The following SKAP2 variants were observed in gnomAD, a reference collection of about 807,000 sequenced individuals.
SKAP2 encodes the protein src kinase associated phosphoprotein 2, also known as src kinase-associated phosphoprotein 2.
In SKAP2, 28 loss-of-function variants were observed where a neutral mutation model predicts 54.9. The ratio of observed to expected loss-of-function variants is 0.51; its 90% confidence interval spans 0.38 to 0.70. The LOEUF is 0.70. Among genes scored for constraint, SKAP2 ranks in the 30% least tolerant of loss-of-function variants. The probability of loss-of-function intolerance (pLI) is 0.00; values close to 1 mark genes in which losing one functional copy is unlikely to be tolerated. For synonymous variants in SKAP2, 137 were observed against 134.3 expected (o/e 1.02, Z -0.14); for missense variants, 356 against 424.1 (o/e 0.84, Z 1.41).
intron 6 of SKAP2, among the ~76,000 whole-genome samples, chr7:26,728,946 C>T (rs2127957194): frequency 6.6e-6 from 1 of 152,158 alleles, no homozygotes; most frequent in Non-Finnish European, 1.5e-5. Context: ...CTAAAATTCT[C>T]ATCAATGTAA....
At chr7:26,728,026 A>G (rs1787743741) in intron 6 of SKAP2, among the ~76,000 whole-genome samples, 1 of 152,138 alleles carries the variant, frequency 6.6e-6, no homozygotes, top group Non-Finnish European at 1.5e-5. Context: ...TTAAATGCCT[A>G]AAGTAACTAA....
At chr7:26,741,476 C>A (rs901011598) in intron 4 of SKAP2, among the ~76,000 whole-genome samples, 10 of 151,418 alleles carry the variant, frequency 6.6e-5, no homozygotes, top group African/African-American at 2.2e-4. Flanking sequence ...GAGGTCAAGG[C>A]TGCAGTGAGC....
intron 4 of SKAP2, among the ~76,000 whole-genome samples, chr7:26,756,363 T>A (rs1297474990): frequency 1.3e-5 from 2 of 152,144 alleles, no homozygotes; most frequent in East Asian, 1.9e-4. Flanking sequence ...GTGTGTGATG[T>A]TCCCCTTCCT....
intron 1 of SKAP2, among the ~76,000 whole-genome samples, chr7:26,856,740 A>G (rs928392320): frequency 3.3e-5 from 5 of 152,308 alleles, no homozygotes; most frequent in African/African-American, 1.2e-4. Context: ...ACCAGACTCA[A>G]TAGGAAGAAT....
the SKAP2 span, among the ~76,000 whole-genome samples, chr7:26,661,151 T>C: frequency 6.6e-6 from 1 of 152,100 alleles, no homozygotes; most frequent in African/African-American, 2.4e-5. Context: ...TAAGAGTCCT[T>C]TGCATCTTTT....
At chr7:26,848,238 T>C (rs1784966476) in intron 3 of SKAP2, among the ~76,000 whole-genome samples, 1 of 152,194 alleles carries the variant, frequency 6.6e-6, no homozygotes, top group Admixed American at 6.5e-5. Flanking sequence ...ACCCAATTTG[T>C]TGCTTGTTTT....
chr7:26,697,691 C>A (rs1786925586), intron 9 of SKAP2, among the ~76,000 whole-genome samples: 1 of 151,530 alleles, frequency 6.6e-6, no homozygotes, highest in South Asian at 2.1e-4. Context: ...ATTCTTGTTA[C>A]AAAAGCAGTA....
intron 4 of SKAP2, among the ~76,000 whole-genome samples, chr7:26,823,557 A>C (rs1037208646): frequency 3.7e-4 from 56 of 152,314 alleles, no homozygotes; most frequent in African/African-American, 1.3e-3. Context: ...ACCCAGATCA[A>C]GGCCCTAACT....
chr7:26,678,406 G>A (rs1584325441), intron 11 of SKAP2, among the ~76,000 whole-genome samples: 2 of 151,238 alleles, frequency 1.3e-5, no homozygotes, highest in South Asian at 2.1e-4. Flanking sequence ...AGTATTTGAG[G>A]AATATAACAT....
At chr7:26,705,666 T>A (rs1056837528) in intron 9 of SKAP2, among the ~76,000 whole-genome samples, 13 of 152,240 alleles carry the variant, frequency 8.5e-5, no homozygotes, top group African/African-American at 3.1e-4. Flanking sequence ...AGAAAAATTA[T>A]CTCAGTATAG....
At chr7:26,781,300 G>A (rs1435385839) in intron 4 of SKAP2, among the ~76,000 whole-genome samples, 1 of 151,934 alleles carries the variant, frequency 6.6e-6, no homozygotes, top group Non-Finnish European at 1.5e-5. Flanking sequence ...CTTTTGTGGG[G>A]TTTTTCCCTA....
At chr7:26,751,303 G>C (rs1782676435) in intron 4 of SKAP2, among the ~76,000 whole-genome samples, 1 of 152,034 alleles carries the variant, frequency 6.6e-6, no homozygotes, top group Non-Finnish European at 1.5e-5. Flanking sequence ...CAAATGTGTA[G>C]TTTGAAAACT....
chr7:26,767,235 C>A (rs1303415003), intron 4 of SKAP2, among the ~76,000 whole-genome samples: 1 of 152,048 alleles, frequency 6.6e-6, no homozygotes, highest in Non-Finnish European at 1.5e-5. Context: ...ATTTCTTCTA[C>A]ATTTTCTAGT....
chr7:26,728,042 G>A (rs532318827), intron 6 of SKAP2, among the ~76,000 whole-genome samples: 1 of 152,136 alleles, frequency 6.6e-6, no homozygotes, highest in East Asian at 1.9e-4. Flanking sequence ...ACTAACATAT[G>A]TTAGGTCATA....
intron 6 of SKAP2, among the ~76,000 whole-genome samples, chr7:26,727,718 T>C (rs1787737768): frequency 6.6e-6 from 1 of 152,144 alleles, no homozygotes; most frequent in Non-Finnish European, 1.5e-5. Flanking sequence ...ATTACAGCTT[T>C]GGTCAGATAT....
chr7:26,767,904 G>A (rs1266777637), intron 4 of SKAP2, among the ~76,000 whole-genome samples: 2 of 152,204 alleles, frequency 1.3e-5, no homozygotes, highest in African/African-American at 2.4e-5. Flanking sequence ...TTTAGAATAA[G>A]TGCAATGTGG....
At chr7:26,799,846 C>T (rs544431697) in intron 4 of SKAP2, among the ~76,000 whole-genome samples, 26 of 152,098 alleles carry the variant, frequency 1.7e-4, no homozygotes, top group African/African-American at 6.3e-4. Flanking sequence ...AAAAAACAGG[C>T]GGTGGCTCAC....
At chr7:26,783,032 A>G (rs531701705) in intron 4 of SKAP2, among the ~76,000 whole-genome samples, 1 of 152,316 alleles carries the variant, frequency 6.6e-6, no homozygotes, top group South Asian at 2.1e-4. Context: ...AATACATATG[A>G]TTAACTCAGA....
intron 9 of SKAP2, among the ~76,000 whole-genome samples, chr7:26,716,872 C>T (rs576171103): frequency 6.6e-6 from 1 of 152,298 alleles, no homozygotes; most frequent in Admixed American, 6.5e-5. Flanking sequence ...CCCCAGCTAA[C>T]TTTTAAATTA....
Sources: gnomAD v4.1 joint callset for allele counts (sites outside exome capture counted in the v4.1 genomes callset) on GRCh38, gnomAD v4.1.1 for gene constraint, MANE v1.5 for transcripts, NCBI Gene and HGNC (gene_info 2026-07-23, HGNC 2026-07-21) for gene names.